The following SPIDR variants were observed in gnomAD, a reference collection of about 807,000 sequenced individuals.
SPIDR encodes DNA repair-scaffolding protein.
SPIDR carries 93 observed loss-of-function variants against 104.6 expected under a neutral mutation model. The ratio of observed to expected loss-of-function variants is 0.89; its 90% CI spans 0.75 to 1.06. SPIDR has a LOEUF of 1.06. Ranked by LOEUF, SPIDR falls within the 50% of genes least tolerant of loss-of-function variation. The probability of loss-of-function intolerance (pLI) is 0.00; values close to 1 mark genes in which losing one functional copy is unlikely to be tolerated. For synonymous variants in SPIDR, 431 were observed against 416.9 expected (o/e 1.03, Z -0.41); for missense variants, 1,154 against 1,111.2 (o/e 1.04, Z -0.55).
intron 8 of SPIDR, among the ~76,000 whole-genome samples, chr8:47,491,429 G>A (rs184020189): frequency 3.0e-4 from 45 of 151,708 alleles, no homozygotes; most frequent in African/African-American, 1.1e-3. Flanking sequence ...ATTATCTGTG[G>A]TTCAGCAATA....
chr8:47,601,492 G>A (rs568410911), intron 10 of SPIDR, among the ~76,000 whole-genome samples: 20 of 152,220 alleles, frequency 1.3e-4, no homozygotes, highest in East Asian at 3.9e-4. Context: ...TCAGGGGATC[G>A]AGACCATCCT....
intron 5 of SPIDR, chr8:47,388,620 T>C (rs1258543255): frequency 6.5e-6 from 1 of 153,114 alleles, no homozygotes; most frequent in Non-Finnish European, 1.5e-5. Flanking sequence ...TGGCTTAGCA[T>C]TGGTCAGTTG....
chr8:47,358,811 C>T (rs1013617616), intron 5 of SPIDR, among the ~76,000 whole-genome samples: 12 of 152,126 alleles, frequency 7.9e-5, no homozygotes, highest in African/African-American at 2.9e-4. Context: ...TTGGTATTTA[C>T]ATTTAGGAAG....
At chr8:47,395,484 G>C (rs2061150692) in intron 5 of SPIDR, among the ~76,000 whole-genome samples, 1 of 152,200 alleles carries the variant, frequency 6.6e-6, no homozygotes, top group African/African-American at 2.4e-5. Context: ...GACTTTTAGT[G>C]CACTGGAAGT....
chr8:47,466,562 A>G (rs1245879664), intron 8 of SPIDR, among the ~76,000 whole-genome samples: 1 of 152,146 alleles, frequency 6.6e-6, no homozygotes, highest in Non-Finnish European at 1.5e-5. Context: ...CACTCACATC[A>G]AAAAGTTAGA....
chr8:47,493,784 T>G (rs1430023688), intron 8 of SPIDR, among the ~76,000 whole-genome samples: 1 of 152,226 alleles, frequency 6.6e-6, no homozygotes, highest in Non-Finnish European at 1.5e-5. Context: ...TTGAAGGTTT[T>G]GGGTTTTTTA....
rs1036076297 is a variant in SPIDR, at chr8:47,465,667, T to C, written c.1097+25125T>C. On this transcript the variant is annotated intron_variant, in intron 8 of 19. Coordinates refer to ENST00000297423, the MANE Select transcript of SPIDR (RefSeq NM_001080394.4). Reference sequence around the variant, plus strand: ...AGGAGAATCACTTGAACCTGGGAGATGGAGGTTGCGCTGAGCCAGGATCAC... The same window carrying C: ...AGGAGAATCACTTGAACCTGGGAGACGGAGGTTGCGCTGAGCCAGGATCAC... Among the ~76,000 whole-genome samples the C allele has an allele frequency of 4.6e-4, 70 of 152,072 alleles. 2 individuals carry two copies. Among genetic ancestry groups the C allele is most frequent in the Admixed American group, 3.2e-3 (49 of 15,272 alleles).
intron 5 of SPIDR, chr8:47,388,561 A>G (rs1554649653): frequency 6.5e-6 from 1 of 154,098 alleles, no homozygotes; most frequent in Non-Finnish European, 1.5e-5. Context: ...CTTAACTTCC[A>G]CTTCCCAGAC....
chr8:47,688,117 C>G (rs2078080355), intron 11 of SPIDR, among the ~76,000 whole-genome samples: 1 of 150,806 alleles, frequency 6.6e-6, no homozygotes, highest in East Asian at 2.0e-4. Flanking sequence ...TTGTGTTTTG[C>G]TTTTTATTTT....
At chr8:47,326,709 G>T (rs1318420005) in intron 5 of SPIDR, among the ~76,000 whole-genome samples, 2 of 152,200 alleles carry the variant, frequency 1.3e-5, no homozygotes, top group African/African-American at 2.4e-5. Context: ...AAATCATATA[G>T]CATGTGACCT....
At chr8:47,595,472 ATTGT>A (rs1046061645) in intron 8 of SPIDR, among the ~76,000 whole-genome samples, 1 of 131,580 alleles carries the variant, frequency 7.6e-6, no homozygotes, top group African/African-American at 2.9e-5. Flanking sequence ...ATTTTATTTC[ATTGT>A]TTGGGCACTT....
At chr8:47,447,358 C>T (rs1235553338) in intron 8 of SPIDR, among the ~76,000 whole-genome samples, 2 of 152,066 alleles carry the variant, frequency 1.3e-5, no homozygotes, top group African/African-American at 2.4e-5. Context: ...GGATTACAGG[C>T]GTGTGCCACC....
intron 11 of SPIDR, among the ~76,000 whole-genome samples, chr8:47,677,182 G>A (rs533147462): frequency 7.9e-5 from 12 of 152,018 alleles, no homozygotes; most frequent in Non-Finnish European, 1.3e-4. Context: ...CCCGACCACC[G>A]ACCTCTGTCC....
At chr8:47,611,918 A>G (rs1388685445) in intron 10 of SPIDR, among the ~76,000 whole-genome samples, 1 of 152,220 alleles carries the variant, frequency 6.6e-6, no homozygotes, top group Non-Finnish European at 1.5e-5. Flanking sequence ...TGAGCCGTCA[A>G]GAGGTAGCTT....
At chr8:47,366,335 G>A (rs1047366839) in intron 5 of SPIDR, among the ~76,000 whole-genome samples, 2 of 152,108 alleles carry the variant, frequency 1.3e-5, no homozygotes, top group East Asian at 1.9e-4. Context: ...TGAGGAGCTT[G>A]GATAGCTGTG....
At chr8:47,394,783 T>C (rs1322103806) in intron 5 of SPIDR, among the ~76,000 whole-genome samples, 1 of 152,136 alleles carries the variant, frequency 6.6e-6, no homozygotes, top group African/African-American at 2.4e-5. Context: ...TCTGAACTGC[T>C]CTGGATCTCT....
intron 8 of SPIDR, among the ~76,000 whole-genome samples, chr8:47,467,912 A>C (rs1554718569): frequency 6.6e-6 from 1 of 152,218 alleles, no homozygotes; most frequent in Non-Finnish European, 1.5e-5. Flanking sequence ...AGAGGAAATC[A>C]AATTATTCCT....
intron 10 of SPIDR, among the ~76,000 whole-genome samples, chr8:47,650,975 C>A (rs1364206328): frequency 1.3e-5 from 2 of 152,086 alleles, no homozygotes; most frequent in African/African-American, 2.4e-5. Context: ...AGACTTAAAT[C>A]TAAGACCTGA....
chr8:47,280,202 A>G (rs1231277813), intron 2 of SPIDR, among the ~76,000 whole-genome samples, 185 bp downstream of exon 2: 2 of 151,824 alleles, frequency 1.3e-5, no homozygotes, highest in Non-Finnish European at 2.9e-5. Flanking sequence ...TTAGTAAGTT[A>G]GTATTCACCT....
Sources: gnomAD v4.1 joint callset for allele counts (sites outside exome capture counted in the v4.1 genomes callset) on GRCh38, gnomAD v4.1.1 for gene constraint, MANE v1.5 for transcripts, NCBI Gene and HGNC (gene_info 2026-07-23, HGNC 2026-07-21) for gene names.